The following NKAIN3 variants were observed in gnomAD, a reference collection of about 807,000 sequenced individuals.
The protein encoded by NKAIN3 is sodium/potassium transporting ATPase interacting 3, also known as sodium/potassium-transporting ATPase subunit beta-1-interacting protein 3.
Under a neutral mutation model 30.2 loss-of-function variants are expected in NKAIN3, and 25 were observed. The ratio of observed to expected loss-of-function variants is 0.83; its 90% CI spans 0.60 to 1.16. NKAIN3 has a LOEUF of 1.16. NKAIN3 is among the 50% of genes most tolerant of loss of function. NKAIN3 has a pLI of 0.00. For synonymous variants in NKAIN3, 91 were observed against 89.6 expected (o/e 1.02, Z -0.09); for missense variants, 225 against 254.1 (o/e 0.89, Z 0.78).
chr8:62,800,950 C>A (rs745321739), intron 4 of NKAIN3, among the ~76,000 whole-genome samples: 41 of 152,214 alleles, frequency 2.7e-4, no homozygotes, highest in Non-Finnish European at 4.3e-4. Flanking sequence ...AAAAACGGTG[C>A]ACCAAGAGAT....
At chr8:62,663,862 T>C (rs1813019208) in intron 3 of NKAIN3, among the ~76,000 whole-genome samples, 1 of 152,176 alleles carries the variant, frequency 6.6e-6, no homozygotes, top group African/African-American at 2.4e-5. Flanking sequence ...TCCATGAGTA[T>C]TTGCTGATTG....
At chr8:62,262,700 G>T (rs1364600908) in intron 1 of NKAIN3, among the ~76,000 whole-genome samples, 1 of 152,124 alleles carries the variant, frequency 6.6e-6, no homozygotes, top group Admixed American at 6.6e-5. Context: ...AGATGGAGTT[G>T]TCCTTAGGGA....
intron 4 of NKAIN3, among the ~76,000 whole-genome samples, chr8:62,846,186 T>C (rs1819683634): frequency 6.6e-6 from 1 of 152,154 alleles, no homozygotes; most frequent in Non-Finnish European, 1.5e-5. Context: ...TTCAGTCCAG[T>C]AAATGATGAA....
intron 1 of NKAIN3, among the ~76,000 whole-genome samples, chr8:62,555,011 T>TACACAC (rs59610407): frequency 0.065 from 9,474 of 144,844 alleles, 347 homozygotes; most frequent in East Asian, 0.094. Context: ...GCAGAATCTA[T>TACACAC]ACACACACAC....
At chr8:62,830,512 A>G (rs1308894359) in intron 4 of NKAIN3, among the ~76,000 whole-genome samples, 1 of 152,134 alleles carries the variant, frequency 6.6e-6, no homozygotes, top group Non-Finnish European at 1.5e-5. Flanking sequence ...AATTAACATA[A>G]TTTGCCTTAA....
At chr8:62,482,468 A>G (rs926581678) in intron 1 of NKAIN3, 1 of 152,158 alleles carries the variant, frequency 6.6e-6, no homozygotes, top group Non-Finnish European at 1.5e-5. Context: ...GCTCAGGGAG[A>G]GCTGTGGTGG....
chr8:62,739,069 A>C (rs1428769011), intron 3 of NKAIN3, among the ~76,000 whole-genome samples: 2 of 152,192 alleles, frequency 1.3e-5, no homozygotes, highest in African/African-American at 4.8e-5. Flanking sequence ...AACAATGAGA[A>C]CACATGGACA....
chr8:62,593,531 GT>G (rs1391860681), intron 3 of NKAIN3, among the ~76,000 whole-genome samples: 1 of 151,850 alleles, frequency 6.6e-6, no homozygotes, highest in Non-Finnish European at 1.5e-5. Context: ...TAACAAGCAT[GT>G]AGTAAGGTTG....
chr8:62,816,988 G>C (rs1818704707), intron 4 of NKAIN3, among the ~76,000 whole-genome samples: 1 of 152,100 alleles, frequency 6.6e-6, no homozygotes, highest in Non-Finnish European at 1.5e-5. Flanking sequence ...GACTTCTGGG[G>C]ATCTCCTGAT....
At chr8:62,592,823 T>C (rs1810695149) in intron 3 of NKAIN3, among the ~76,000 whole-genome samples, 1 of 151,894 alleles carries the variant, frequency 6.6e-6, no homozygotes, top group South Asian at 2.1e-4. Flanking sequence ...AGAAAAAAAG[T>C]AGACTTCAAA....
At chr8:62,898,905 A>G (rs1166512199) in intron 4 of NKAIN3, among the ~76,000 whole-genome samples, 1 of 152,186 alleles carries the variant, frequency 6.6e-6, no homozygotes, top group Admixed American at 6.5e-5. Context: ...TTATCCAGTT[A>G]GAAAATGGGC....
intron 6 of NKAIN3, among the ~76,000 whole-genome samples, chr8:62,958,443 A>T (rs1221702327): frequency 1.3e-5 from 2 of 152,032 alleles, no homozygotes; most frequent in Non-Finnish European, 2.9e-5. Flanking sequence ...CTCCACCGGG[A>T]TCTACTCCAT....
chr8:62,361,260 A>G (rs754728690), intron 1 of NKAIN3, among the ~76,000 whole-genome samples: 4 of 152,240 alleles, frequency 2.6e-5, no homozygotes, highest in Non-Finnish European at 5.9e-5. Context: ...ATTTTAGCAA[A>G]TGCTCATTTC....
At chr8:62,912,354 T>C (rs1243595147) in intron 4 of NKAIN3, among the ~76,000 whole-genome samples, 1 of 152,182 alleles carries the variant, frequency 6.6e-6, no homozygotes. Flanking sequence ...CACACTGCTG[T>C]AGACTATAAA....
At chr8:62,931,356 C>A (rs1326980424) in intron 5 of NKAIN3, among the ~76,000 whole-genome samples, 1 of 152,118 alleles carries the variant, frequency 6.6e-6, no homozygotes, top group Non-Finnish European at 1.5e-5. Context: ...GTTAATCTAA[C>A]AAATCTAATA....
intron 4 of NKAIN3, among the ~76,000 whole-genome samples, chr8:62,895,963 C>T (rs146562874): frequency 6.8e-6 from 1 of 148,036 alleles, no homozygotes; most frequent in East Asian, 2.0e-4. Context: ...AATTTATCAC[C>T]ATCCTGAAGC....
chr8:62,474,396 G>C (rs1806447861), intron 1 of NKAIN3: 1 of 152,110 alleles, frequency 6.6e-6, no homozygotes, highest in Non-Finnish European at 1.5e-5. Flanking sequence ...GCAAACGCTG[G>C]ACAAATCTGT....
intron 1 of NKAIN3, among the ~76,000 whole-genome samples, chr8:62,359,850 C>A (rs1179381282): frequency 1.3e-5 from 2 of 152,094 alleles, no homozygotes; most frequent in African/African-American, 4.8e-5. Flanking sequence ...TATTCTATTT[C>A]TTGTGTAAAA....
intron 5 of NKAIN3, among the ~76,000 whole-genome samples, chr8:62,936,450 T>C (rs1240663588): frequency 6.6e-6 from 1 of 152,130 alleles, no homozygotes; most frequent in African/African-American, 2.4e-5. Flanking sequence ...GCTGTTTCAC[T>C]TGTCTTCCAT....
Sources: gnomAD v4.1 joint callset for allele counts (sites outside exome capture counted in the v4.1 genomes callset) on GRCh38, gnomAD v4.1.1 for gene constraint, MANE v1.5 for transcripts, NCBI Gene and HGNC (gene_info 2026-07-23, HGNC 2026-07-21) for gene names.